Variants in CDYL2 observed in about 807,000 individuals in gnomAD.
The protein encoded by CDYL2 is chromodomain Y like 2.
CDYL2 carries 23 observed loss-of-function variants against 49.4 expected under a neutral mutation model. The ratio of observed to expected loss-of-function variants is 0.47; its 90% CI spans 0.34 to 0.66. The LOEUF (loss-of-function observed/expected upper bound fraction) is 0.66. Among genes scored for constraint, CDYL2 ranks in the 30% least tolerant of loss-of-function variants. The pLI, the probability that CDYL2 is intolerant of heterozygous loss-of-function variation, is 0.01. For synonymous variants in CDYL2, 360 were observed against 268.8 expected (o/e 1.34, Z -3.32); for missense variants, 678 against 656.4 (o/e 1.03, Z -0.36).
intron 2 of CDYL2, among the ~76,000 whole-genome samples, chr16:80,654,722 C>T (rs756355269): frequency 1.3e-5 from 2 of 152,234 alleles, no homozygotes; most frequent in Admixed American, 6.5e-5. Flanking sequence ...GACATCAGAG[C>T]TGCCCGGCAT....
chr16:80,662,244 G>A (rs117637244), intron 2 of CDYL2, among the ~76,000 whole-genome samples: 26 of 152,286 alleles, frequency 1.7e-4, no homozygotes, highest in African/African-American at 5.1e-4. Flanking sequence ...AGAACACAGC[G>A]TGAGTGCTAT....
intron 1 of CDYL2, among the ~76,000 whole-genome samples, chr16:80,707,054 A>G (rs973648469): frequency 1.3e-5 from 2 of 152,176 alleles, no homozygotes; most frequent in African/African-American, 2.4e-5. Flanking sequence ...GGTGCAGTGA[A>G]CACCCCACAT....
At chr16:80,632,138 C>A (rs193181281) in intron 3 of CDYL2, among the ~76,000 whole-genome samples, 1 of 151,960 alleles carries the variant, frequency 6.6e-6, no homozygotes, top group East Asian at 1.9e-4. Flanking sequence ...AAATATTATC[C>A]ATAAAAATCA....
intron 2 of CDYL2, among the ~76,000 whole-genome samples, chr16:80,675,331 C>T (rs916974163): frequency 2.6e-5 from 4 of 152,214 alleles, no homozygotes; most frequent in African/African-American, 9.6e-5. Flanking sequence ...CATCTATAAA[C>T]AAGGTTGATC....
At chr16:80,761,893 A>C (rs1450667481) in intron 1 of CDYL2, among the ~76,000 whole-genome samples, 3 of 151,694 alleles carry the variant, frequency 2.0e-5, no homozygotes, top group South Asian at 2.1e-4. Context: ...AAAAAAAAAA[A>C]AAAAACAAAG....
At chr16:80,631,813 G>C (rs943079898) in intron 3 of CDYL2, among the ~76,000 whole-genome samples, 2 of 152,146 alleles carry the variant, frequency 1.3e-5, no homozygotes, top group Non-Finnish European at 2.9e-5. Flanking sequence ...AGTCATCAGG[G>C]AAATGCAAAC....
At chr16:80,771,265 G>A (rs1235932856) in intron 1 of CDYL2, among the ~76,000 whole-genome samples, 1 of 152,190 alleles carries the variant, frequency 6.6e-6, no homozygotes, top group East Asian at 1.9e-4. Context: ...AAATAAAACA[G>A]ACAGGTGTGA....
At chr16:80,639,349 C>T (rs1197605547) in intron 2 of CDYL2, among the ~76,000 whole-genome samples, 4 of 152,292 alleles carry the variant, frequency 2.6e-5, no homozygotes, top group East Asian at 1.9e-4. Flanking sequence ...ACCATTCCTA[C>T]GCATTCACCA....
At chr16:80,786,719 AC>A (rs1436247852) in intron 1 of CDYL2, among the ~76,000 whole-genome samples, 2 of 152,170 alleles carry the variant, frequency 1.3e-5, no homozygotes, top group African/African-American at 4.8e-5. Flanking sequence ...GCACATATAC[AC>A]CATGGAATAC....
chr16:80,658,571 C>T (rs745711998), intron 2 of CDYL2, among the ~76,000 whole-genome samples: 1 of 152,012 alleles, frequency 6.6e-6, no homozygotes, highest in Non-Finnish European at 1.5e-5. Context: ...AGGATTCTCT[C>T]TGTGGAAGAA....
intron 2 of CDYL2, chr16:80,679,663 C>T (rs749195315): frequency 4.4e-6 from 2 of 455,772 alleles, no homozygotes; most frequent in East Asian, 6.9e-5. Flanking sequence ...CACAAACTTT[C>T]TCTTTACAAA....
At chr16:80,760,357 G>T (rs1486259163) in intron 1 of CDYL2, among the ~76,000 whole-genome samples, 2 of 152,152 alleles carry the variant, frequency 1.3e-5, no homozygotes, top group Non-Finnish European at 2.9e-5. Flanking sequence ...GGGTTGGAGG[G>T]GAGATGGGGA....
intron 1 of CDYL2, among the ~76,000 whole-genome samples, chr16:80,795,297 G>C (rs981150558): frequency 6.6e-6 from 1 of 152,180 alleles, no homozygotes; most frequent in African/African-American, 2.4e-5. Context: ...ATAAATCAAT[G>C]TGGTGATTGA....
intron 6 of CDYL2, among the ~76,000 whole-genome samples, chr16:80,607,120 G>T (rs1906372591): frequency 1.3e-5 from 2 of 152,144 alleles, no homozygotes; most frequent in Non-Finnish European, 2.9e-5. Flanking sequence ...TCCACGTGAA[G>T]AGATCAGAAA....
intron 1 of CDYL2, among the ~76,000 whole-genome samples, chr16:80,796,112 G>C (rs1466486144): frequency 2.6e-5 from 4 of 152,180 alleles, no homozygotes; most frequent in Non-Finnish European, 4.4e-5. Flanking sequence ...GGGCTGGCTA[G>C]TCAAGTCCAA....
At chr16:80,703,404 T>G (rs899378459) in intron 1 of CDYL2, among the ~76,000 whole-genome samples, 1 of 152,098 alleles carries the variant, frequency 6.6e-6, no homozygotes, top group Non-Finnish European at 1.5e-5. Flanking sequence ...GCTAGATGAA[T>G]GAATGAACAC....
intron 1 of CDYL2, among the ~76,000 whole-genome samples, chr16:80,705,457 G>T (rs754220639): frequency 4.6e-5 from 7 of 152,238 alleles, no homozygotes; most frequent in Non-Finnish European, 8.8e-5. Flanking sequence ...CTTCTAGGGA[G>T]CCCATCTGCT....
At chr16:80,740,631 C>G (rs1262158841) in intron 1 of CDYL2, among the ~76,000 whole-genome samples, 1 of 152,082 alleles carries the variant, frequency 6.6e-6, no homozygotes, top group African/African-American at 2.4e-5. Flanking sequence ...AGTGAATGAA[C>G]TGAAATACTT....
intron 1 of CDYL2, among the ~76,000 whole-genome samples, chr16:80,699,634 T>A (rs1008451436): frequency 6.6e-6 from 1 of 152,236 alleles, no homozygotes; most frequent in Non-Finnish European, 1.5e-5. Context: ...CAAAATTTTA[T>A]TGTGTATTTT....
Sources: allele counts gnomAD v4.1 joint callset (sites outside exome capture counted in the v4.1 genomes callset), GRCh38; gene constraint gnomAD v4.1.1; transcripts MANE v1.5; gene names NCBI Gene and HGNC (gene_info 2026-07-23, HGNC 2026-07-21).